UBXN11: variants seen among roughly 807,000 people sequenced by gnomAD.
The protein encoded by UBXN11 is UBX domain-containing protein 11.
UBXN11 carries 47 observed loss-of-function variants against 62.8 expected under a neutral mutation model. The observed-to-expected ratio is 0.75, with a 90% CI of 0.59 to 0.95. The LOEUF (loss-of-function observed/expected upper bound fraction) is 0.95, where lower values mean the gene tolerates loss of function less well. UBXN11 is among the 40% of genes least tolerant of loss of function. The probability of loss-of-function intolerance (pLI) is 0.00; values close to 1 mark genes in which losing one functional copy is unlikely to be tolerated. For synonymous variants in UBXN11, 294 were observed against 267.0 expected, an observed-to-expected ratio of 1.10 and a Z score of -0.99; for missense variants, 638 against 661.7, an observed-to-expected ratio of 0.96 and a Z score of 0.39.
At position 26,284,502 on chromosome 1, in the gene UBXN11, A is replaced by G. The variant is rs754277401; in HGVS notation, c.853-20T>C. The G allele has an allele frequency of 5.7e-6, 9 of 1,577,226 alleles. No individual in the cohort carries two copies. The highest frequency in any genetic ancestry group is 6.9e-6 in the Non-Finnish European group (8 of 1,156,386). ...ACTCACCTGGCAAGAAAGAAGGGCA[A>G]CGACGGCAGCGGACCCAGCTCTTCA... is the stretch of plus-strand genomic sequence containing the variant. On this transcript the variant is annotated intron_variant, in intron 10 of 14. Coordinates refer to ENST00000374222, the MANE Select transcript of UBXN11 (RefSeq NM_001389556.1).
rs2073124387 is a variant in UBXN11, at chr1:26,285,995, A to G, written c.602T>C (p.Leu201Pro). 1.2e-6 allele frequency: 2 copies of G among 1,611,794 alleles called. No individual in the cohort carries two copies. The highest frequency in any genetic ancestry group is 1.7e-6 in the Non-Finnish European group (2 of 1,178,524). Residue 201 changes from leucine (L) to proline (P), a missense_variant, in exon 9 of 15, where the codon CTG (leucine) becomes CCG (proline). Physicochemically the swap from Leu to Pro is moderately conservative, Grantham distance 98. Coordinates refer to ENST00000374222, the MANE Select transcript of UBXN11 (RefSeq NM_001389556.1). ...CTCACTAAGATCCTGCAGGCTGGCC[A>G]GCAGCCTGTCAAAGTCCACCTCAGG... is the stretch of plus-strand genomic sequence containing the variant. ...APPEVDFDRL[L>P]ASLQDLSELV...
At chr1:26,311,506 G>A (rs1039600875), upstream of UBXN11, among the ~76,000 whole-genome samples, 22 of 149,174 alleles carry the variant, frequency 1.5e-4, no homozygotes, top group Non-Finnish European at 3.0e-5. Context: ...GCAGTGGCGC[G>A]ATCTTGGCTC....
intron 8 of UBXN11, among the ~76,000 whole-genome samples, chr1:26,288,770 T>C (rs1002461556): frequency 6.6e-6 from 1 of 152,160 alleles, no homozygotes; most frequent in Non-Finnish European, 1.5e-5. Flanking sequence ...TGTCTGTAAA[T>C]GACAGCCCTG....
rs796501504 is a variant in UBXN11 at position 26,291,019 on chromosome 1, G to A, written c.559+3186C>T. On this transcript the variant is annotated intron_variant, in intron 8 of 14. Coordinates refer to ENST00000374222, the MANE Select transcript of UBXN11 (RefSeq NM_001389556.1). ...TGGCAGAGAGAGGGGGAGAGTGAGC[G>A]ATCCAGCCTGAGGCCAAGCCCCTTC... Among the ~76,000 whole-genome samples, 43 of 152,262 alleles carry A rather than the reference G, an allele frequency of 2.8e-4. 2 individuals carry two copies. The highest frequency in any genetic ancestry group is 8.4e-4 in the African/African-American group (35 of 41,552).
chr1:26,296,502 C>T (rs4659424), intron 7 of UBXN11, among the ~76,000 whole-genome samples: 18,455 of 152,088 alleles, frequency 0.12, 2,074 homozygotes, highest in East Asian at 0.56. Flanking sequence ...AGCAACAGCA[C>T]GGCCCAAGGC....
intron 8 of UBXN11, 124 bp downstream of exon 8, chr1:26,294,081 C>T: frequency 2.1e-6 from 3 of 1,458,192 alleles, no homozygotes; most frequent in Non-Finnish European, 2.8e-6. Flanking sequence ...GTTGTGGGCT[C>T]TCAGGGCGTC....
rs141840660 is a variant in UBXN11, at chr1:26,296,862, C to T, written c.432+57G>A. On this transcript the variant is annotated intron_variant, in intron 7 of 14. Transcript: ENST00000374222. ...TCGGACCCAGCTCCTGAGGAACATG[C>T]CGTGAAGAGCTGGGGACTGCTGGCT... The T allele has an allele frequency of 2.6e-4, 395 of 1,533,810 alleles. 2 individuals carry two copies. In the African/African-American group the frequency reaches 4.7e-3, roughly 18 times the overall value.
At chr1:26,285,323 T>C (rs1358051327) in intron 10 of UBXN11, 141 bp downstream of exon 10, 1 of 1,499,220 alleles carries the variant, frequency 6.7e-7, no homozygotes, top group Non-Finnish European at 8.9e-7. Context: ...GGCTTCAGAC[T>C]TATCCTCCTG....
intron 8 of UBXN11, among the ~76,000 whole-genome samples, chr1:26,291,870 C>T (rs1200167321): frequency 1.3e-5 from 2 of 152,210 alleles, no homozygotes; most frequent in East Asian, 3.8e-4. Flanking sequence ...ACACGCTCCC[C>T]TTCCTAGCAT....
chr1:26,309,292 G>T (rs1407279405), upstream of UBXN11, among the ~76,000 whole-genome samples: 1 of 144,368 alleles, frequency 6.9e-6, no homozygotes, highest in Non-Finnish European at 1.5e-5. Flanking sequence ...CCAGGCTGGA[G>T]TGCAGTGGTG....
At chr1:26,287,920 T>C (rs775216581) in intron 8 of UBXN11, among the ~76,000 whole-genome samples, 2,120 of 125,446 alleles carry the variant, frequency 0.017, 22 homozygotes, top group Non-Finnish European at 0.027. Context: ...TTTTTTTTTT[T>C]CCGAGAAAGG....
chr1:26,304,323 G>T (rs1323388686), intron 1 of UBXN11, among the ~76,000 whole-genome samples: 1 of 152,184 alleles, frequency 6.6e-6, no homozygotes, highest in Non-Finnish European at 1.5e-5. Context: ...GCCCTGTCTG[G>T]GCAGCCTCAC....
In UBXN11 at chr1:26,284,363, TG is replaced by T. The variant is rs2073075753; in HGVS notation, c.971del (p.Pro324GlnfsTer5). 4 of 1,614,076 alleles carry T rather than the reference TG, an allele frequency of 2.5e-6. No homozygotes were observed. Among genetic ancestry groups the T allele is most frequent in the Non-Finnish European group, 2.5e-6 (3 of 1,179,958 alleles). On this transcript the variant is annotated frameshift_variant and splice_region_variant, in exon 11 of 15. Coordinates refer to ENST00000374222, the MANE Select transcript of UBXN11 (RefSeq NM_001389556.1). LOFTEE classifies it high-confidence loss of function. The part of the protein sequence containing the change: ...HKALDRVEEH[P>X]GSRMTAEKFL... The stretch of plus-strand genomic sequence containing the variant: ...GCTCAGCCTGGAGGCCAAACTCACC[TG>T]GGTGCTCCTCCACCCTGTCCAAGGC...
At chr1:26,290,643 C>T (rs4659368) in intron 8 of UBXN11, among the ~76,000 whole-genome samples, 132,727 of 151,914 alleles carry the variant, frequency 0.87, 58,952 homozygotes, top group Non-Finnish European at 0.93. Flanking sequence ...AGTCAGGGGG[C>T]CTCCAACCCA....
intron 9 of UBXN11, 40 bp from the exon 10 acceptor site, chr1:26,285,581 T>G: frequency 6.6e-7 from 1 of 1,512,726 alleles, no homozygotes; most frequent in Non-Finnish European, 8.9e-7. Flanking sequence ...GGCCTGGGCC[T>G]TGGGCCCACC....
intron 4 of UBXN11, among the ~76,000 whole-genome samples, chr1:26,300,509 C>T (rs901907742): frequency 6.6e-6 from 1 of 152,222 alleles, no homozygotes; most frequent in Non-Finnish European, 1.5e-5. Flanking sequence ...TTAGCCCCAT[C>T]CCACTTTAGG....
rs562099867 is a variant in UBXN11, at chr1:26,301,738, G to A, written c.72-16C>T. On this transcript the variant is annotated splice_polypyrimidine_tract_variant and intron_variant, in intron 2 of 14. Coordinates refer to ENST00000374222, the MANE Select transcript of UBXN11 (RefSeq NM_001389556.1). Reference sequence around the variant, plus strand: ...TCCTCGCCTCCTGGGAACCCAGGCAGGAAGAAGGAAGAAATATAAGTTAGG... The same window carrying A: ...TCCTCGCCTCCTGGGAACCCAGGCAAGAAGAAGGAAGAAATATAAGTTAGG... The A allele has an allele frequency of 1.2e-6, 2 of 1,613,892 alleles. No individual in the cohort carries two copies. The highest frequency in any genetic ancestry group is 2.2e-5 in the South Asian group (2 of 90,996).
rs191543431 is a variant in UBXN11 at position 26,304,589 on chromosome 1, C to A, written c.-35-1671G>T. ...CCAACGTGGCAAAACCCCATCTCTA[C>A]TAAAAATACAAAAATTAGCCGGGCT... is the stretch of plus-strand genomic sequence containing the variant. On this transcript the variant is annotated intron_variant, in intron 1 of 14. Coordinates refer to ENST00000374222, the MANE Select transcript of UBXN11 (RefSeq NM_001389556.1). Among the ~76,000 whole-genome samples the A allele has an allele frequency of 4.3e-4, 65 of 152,174 alleles. 2 individuals carry two copies. In the East Asian group the frequency reaches 0.012, roughly 28 times the overall value.
chr1:26,289,819 C>T (rs1489726335), intron 8 of UBXN11, among the ~76,000 whole-genome samples: 1 of 152,230 alleles, frequency 6.6e-6, no homozygotes, highest in Non-Finnish European at 1.5e-5. Context: ...TCACGCGGTG[C>T]CGCCCTCCAT....
Sources: allele counts gnomAD v4.1 joint callset (sites outside exome capture counted in the v4.1 genomes callset), GRCh38; gene constraint gnomAD v4.1.1; transcripts MANE v1.5; gene names NCBI Gene and HGNC (gene_info 2026-07-23, HGNC 2026-07-21).